PRDM5: variants seen among roughly 807,000 people sequenced by gnomAD.
The protein encoded by PRDM5 is PR domain zinc finger protein 5.
PRDM5 carries 56 observed loss-of-function variants against 81.2 expected under a neutral mutation model. The ratio of observed to expected loss-of-function variants is 0.69; its 90% CI spans 0.56 to 0.86. The LOEUF (loss-of-function observed/expected upper bound fraction) is 0.86. Among genes scored for constraint, PRDM5 ranks in the 40% least tolerant of loss-of-function variants. The probability of loss-of-function intolerance (pLI) is 0.00; values close to 1 mark genes in which losing one functional copy is unlikely to be tolerated. For synonymous variants in PRDM5, 267 were observed against 256.4 expected, an observed-to-expected ratio of 1.04 and a Z score of -0.39; for missense variants, 697 against 770.1, an observed-to-expected ratio of 0.91 and a Z score of 1.12.
chr4:120,798,092 G>C (rs1751579325), intron 10 of PRDM5, among the ~76,000 whole-genome samples, 175 bp downstream of exon 10: 1 of 152,134 alleles, frequency 6.6e-6, no homozygotes, highest in Non-Finnish European at 1.5e-5. Flanking sequence ...AGTTTCAAAA[G>C]AGAATGGAAG....
At position 120,785,401 on chromosome 4, in the gene PRDM5, C is replaced by T. The variant is rs113112443; in HGVS notation, c.1189-310G>A. 3.6e-3 allele frequency among the ~76,000 whole-genome samples: 554 copies of T among 152,230 alleles called. 2 individuals carry two copies. Among genetic ancestry groups the T allele is most frequent in the African/African-American group, 0.012 (517 of 41,560 alleles). On this transcript the variant is annotated intron_variant, in intron 10 of 15. Coordinates refer to ENST00000264808, the MANE Select transcript of PRDM5 (RefSeq NM_018699.4). ...TCTCAGGGCCTACTTTGTAGTGAAA[C>T]TGTGCGTACTTTCTCTGAAAACTAA...
chr4:120,882,632 T>C lies in PRDM5; in HGVS notation c.177+24842A>G, dbSNP rs1291270418. On this transcript the variant is annotated intron_variant, in intron 2 of 15. Transcript: ENST00000264808. Reference sequence around the variant, plus strand: ...TTATAATACATAAATACCATGTATATAATGCATGTATAACAAATCTCTATA... The same window carrying C: ...TTATAATACATAAATACCATGTATACAATGCATGTATAACAAATCTCTATA... Among the ~76,000 whole-genome samples, 3 of 152,348 alleles carry C rather than the reference T, an allele frequency of 2.0e-5. No individual in the cohort carries two copies. In the East Asian group the frequency reaches 5.8e-4, roughly 29 times the overall value.
At chr4:120,826,071 C>T (rs1755935963) in intron 3 of PRDM5, among the ~76,000 whole-genome samples, 1 of 152,150 alleles carries the variant, frequency 6.6e-6, no homozygotes, top group African/African-American at 2.4e-5. Flanking sequence ...TCACCATCTC[C>T]AGGTCCACAT....
At position 120,789,322 on chromosome 4, in the gene PRDM5, A is replaced by C. The variant is rs180782434; in HGVS notation, c.1189-4231T>G. ...TGTACATTAATTACCAGATTAATAC[A>C]TTTCTAGCCACACAGATCAAATATT... On this transcript the variant is annotated intron_variant, in intron 10 of 15. Transcript: ENST00000264808. Among the ~76,000 whole-genome samples the C allele has an allele frequency of 1.8e-4, 28 of 152,328 alleles. No individual in the cohort carries two copies. In the East Asian group the frequency reaches 5.2e-3, roughly 28 times the overall value.
At chr4:120,760,925 A>G (rs1745518172) in intron 13 of PRDM5, among the ~76,000 whole-genome samples, 1 of 152,190 alleles carries the variant, frequency 6.6e-6, no homozygotes, top group African/African-American at 2.4e-5. Context: ...TATACAAAAC[A>G]AGGATATAGG....
At chr4:120,886,652 T>G (rs1763464335) in intron 2 of PRDM5, among the ~76,000 whole-genome samples, 1 of 152,134 alleles carries the variant, frequency 6.6e-6, no homozygotes, top group African/African-American at 2.4e-5. Context: ...TAGCTATACA[T>G]TTATGCAATG....
In PRDM5 at chr4:120,816,544, C is replaced by T. The variant is rs748920632; in HGVS notation, c.774G>A (p.Gly258=). 6.2e-6 allele frequency: 10 copies of T among 1,614,094 alleles called. No homozygotes were observed. Among genetic ancestry groups the T allele is most frequent in the Non-Finnish European group, 8.5e-6 (10 of 1,180,022 alleles). The change falls in exon 7 of 16, where the codon GGG becomes GGA. Residue 258 remains glycine (G), a synonymous_variant. Coordinates refer to ENST00000264808, the MANE Select transcript of PRDM5 (RefSeq NM_018699.4). ...SFEQHQETCR[G]DARFVCKADS... is the part of the protein sequence containing the mutation. ...CAGCCTTGCACACAAACCTGGCATC[C>T]CCCCGGCAAGTCTCCTGGTGCTGCT...
intron 13 of PRDM5, among the ~76,000 whole-genome samples, chr4:120,769,293 C>T (rs776798386): frequency 6.6e-6 from 1 of 152,146 alleles, no homozygotes; most frequent in African/African-American, 2.4e-5. Context: ...GACCCACAGA[C>T]TACTGAAGAT....
intron 13 of PRDM5, among the ~76,000 whole-genome samples, chr4:120,757,621 C>T (rs967145009): frequency 2.0e-5 from 3 of 152,136 alleles, no homozygotes; most frequent in Non-Finnish European, 4.4e-5. Flanking sequence ...CCAATGTGGG[C>T]AGGCATCATC....
chr4:120,689,582 A>C (rs139863048), downstream of PRDM5, among the ~76,000 whole-genome samples: 160 of 151,840 alleles, frequency 1.1e-3, no homozygotes, highest in African/African-American at 3.7e-3. Flanking sequence ...GATTTCCACT[A>C]GTTAGATTTT....
intron 3 of PRDM5, chr4:120,839,026 A>C: frequency 1.8e-6 from 1 of 563,500 alleles, no homozygotes; most frequent in Admixed American, 3.0e-5. Flanking sequence ...GCACACCGCA[A>C]GTAGCTTCCA....
chr4:120,703,925 AT>A (rs66743486), intron 15 of PRDM5, among the ~76,000 whole-genome samples: 30,352 of 151,964 alleles, frequency 0.2, 3,201 homozygotes, highest in Non-Finnish European at 0.24. Flanking sequence ...ACCATTAAAA[AT>A]ATATATAAAA....
At chr4:120,735,867 T>C (rs1383356351) in intron 14 of PRDM5, among the ~76,000 whole-genome samples, 1 of 152,128 alleles carries the variant, frequency 6.6e-6, no homozygotes, top group Non-Finnish European at 1.5e-5. Flanking sequence ...AATATATAAA[T>C]GTATGGGGTA....
chr4:120,859,650 T>C (rs1760338030), intron 2 of PRDM5, among the ~76,000 whole-genome samples: 1 of 152,198 alleles, frequency 6.6e-6, no homozygotes, highest in South Asian at 2.1e-4. Flanking sequence ...TATTATAAGG[T>C]AGTAGCAAAC....
intron 2 of PRDM5, among the ~76,000 whole-genome samples, chr4:120,901,461 A>C (rs1765217583): frequency 6.6e-6 from 1 of 152,248 alleles, no homozygotes. Flanking sequence ...TAGGAAAATA[A>C]ATGCATGTAA....
At chr4:120,864,381 A>T (rs1439974369) in intron 2 of PRDM5, among the ~76,000 whole-genome samples, 1 of 152,214 alleles carries the variant, frequency 6.6e-6, no homozygotes, top group Non-Finnish European at 1.5e-5. Context: ...AATCAGACAG[A>T]CCAATATTCT....
Position 120,694,971 on chromosome 4 carries a change from C to T in PRDM5, c.*140G>A, listed in dbSNP as rs1174575871. The T allele has an allele frequency of 3.0e-6, 3 of 1,015,158 alleles. No individual in the cohort carries two copies. The highest frequency in any genetic ancestry group is 4.6e-6 in the Non-Finnish European group (3 of 659,010). The allele number at this position is 1,015,158 out of a possible 1,614,324, so 62.9% of individuals were successfully genotyped here. ...TTTTTTTTGGTTGCATATGCATCTACAGACTCTAAATGTAGGCAAATAAGA... is the reference window on the plus strand; with the variant it reads ...TTTTTTTTGGTTGCATATGCATCTATAGACTCTAAATGTAGGCAAATAAGA... On this transcript the variant is annotated 3_prime_UTR_variant, in exon 16 of 16. Transcript: ENST00000264808.
chr4:120,864,013 A>G (rs1760931685), intron 2 of PRDM5, among the ~76,000 whole-genome samples: 1 of 152,180 alleles, frequency 6.6e-6, no homozygotes, highest in South Asian at 2.1e-4. Context: ...ACTAACAGAA[A>G]TTTCAATGGC....
chr4:120,768,876 A>G (rs527387579), intron 13 of PRDM5, among the ~76,000 whole-genome samples: 5 of 152,318 alleles, frequency 3.3e-5, no homozygotes, highest in African/African-American at 1.2e-4. Context: ...ATCTTGAACC[A>G]TGTTATTAAT....
Sources: allele counts gnomAD v4.1 joint callset (sites outside exome capture counted in the v4.1 genomes callset), GRCh38; gene constraint gnomAD v4.1.1; transcripts MANE v1.5; gene names NCBI Gene and HGNC (gene_info 2026-07-23, HGNC 2026-07-21).